ZNF236: variants seen among roughly 807,000 people sequenced by gnomAD.
ZNF236 encodes the protein regulated by glucose.
ZNF236 carries 50 observed loss-of-function variants against 191.2 expected under a neutral mutation model. The observed-to-expected ratio is 0.26, with a 90% CI of 0.21 to 0.33. The LOEUF is 0.33. Ranked by LOEUF, ZNF236 falls within the 10% of genes least tolerant of loss-of-function variation. The pLI, the probability that ZNF236 is intolerant of heterozygous loss-of-function variation, is 1.00. For synonymous variants in ZNF236, 907 were observed against 928.8 expected, an observed-to-expected ratio of 0.98 and a Z score of 0.43; for missense variants, 1,754 against 2,374.5, an observed-to-expected ratio of 0.74 and a Z score of 5.43.
rs1479728416 is a variant in ZNF236, at chr18:76,972,625, G to T, written c.*4286G>T. Among the ~76,000 whole-genome samples the T allele has an allele frequency of 6.6e-6, 1 of 152,206 alleles. No homozygotes were observed. Among genetic ancestry groups the T allele is most frequent in the Admixed American group, 6.5e-5 (1 of 15,282 alleles). Reference sequence around the variant, plus strand: ...AATCTTTTATGTGTAACACTTTACAGCATGAAGACGTATTCTATCAATATT... The same window carrying T: ...AATCTTTTATGTGTAACACTTTACATCATGAAGACGTATTCTATCAATATT... On this transcript the variant is annotated 3_prime_UTR_variant, in exon 31 of 31. Transcript: ENST00000320610.
rs1175592449 is a variant in ZNF236, at chr18:76,881,488, A to G, written c.1393A>G (p.Lys465Glu). Residue 465 changes from lysine to glutamate, a missense_variant, in exon 9 of 31, where the codon AAG (lysine) becomes GAG (glutamate). Lys to Glu is a moderately conservative substitution (Grantham distance 56, BLOSUM62 1). Around this residue, in one of 5 missense-constraint regions of ZNF236, gnomAD observed 126 missense variants for 110.9 expected, o/e 1.14. Transcript: ENST00000320610. ...KLDKKEKKMI[K>E]KKSPFLPGSI... ...GGATAAAAAAGAAAAAAAAATGATA[A>G]AGAAGAAGTCACCGTTTCTACCTGG... 15 of 1,612,248 alleles carry G rather than the reference A, an allele frequency of 9.3e-6. No homozygotes were observed. The highest frequency in any genetic ancestry group is 1.3e-5 in the Non-Finnish European group (15 of 1,179,546).
chr18:76,875,364 A>G lies in ZNF236; in HGVS notation c.668-128A>G, dbSNP rs1394509019. ...TTAAAGTAGACACTTGTATATATGC[A>G]TCTAGAGTTCTGGGGAGACATTTTG... On this transcript the variant is annotated intron_variant, in intron 5 of 30. Coordinates refer to ENST00000320610, the MANE Select transcript of ZNF236 (RefSeq NM_001306089.2). This position sits in a 1 kb window ranked among gnomAD's most constrained non-coding sequence, Gnocchi z 4.3. 2 of 820,936 alleles carry G rather than the reference A, an allele frequency of 2.4e-6. No homozygotes were observed. Among genetic ancestry groups the G allele is most frequent in the East Asian group, 3.1e-5 (1 of 32,658 alleles). 50.9% of individuals were successfully genotyped at this position (820,936 alleles called of 1,614,324 possible).
At position 76,875,370 on chromosome 18, in the gene ZNF236, A is replaced by AT. The variant is rs1381961790; in HGVS notation, c.668-122_668-121insT. On this transcript the variant is annotated intron_variant, in intron 5 of 30. Transcript: ENST00000320610. This position sits in a 1 kb window ranked among gnomAD's most constrained non-coding sequence, Gnocchi z 4.3. ...TAGACACTTGTATATATGCATCTAG[A>AT]GTTCTGGGGAGACATTTTGGCTGGA... 1 of 888,892 alleles carries AT rather than the reference A, an allele frequency of 1.1e-6. No individual in the cohort carries two copies. Among genetic ancestry groups the AT allele is most frequent in the Non-Finnish European group, 1.6e-6 (1 of 634,584 alleles). The allele number at this position is 888,892 out of a possible 1,614,324, so 55.1% of individuals were successfully genotyped here. A position where few individuals can be genotyped will look rare whatever the true frequency, so the allele number is the denominator to read the frequency against.
intron 26 of ZNF236, among the ~76,000 whole-genome samples, chr18:76,938,288 G>T (rs1164661902): frequency 6.6e-6 from 1 of 152,158 alleles, no homozygotes; most frequent in Admixed American, 6.5e-5. Flanking sequence ...TACTCCGGGG[G>T]CTGAGGTGGG....
At chr18:76,866,946 C>T (rs1043825436) in intron 3 of ZNF236, among the ~76,000 whole-genome samples, 1 of 152,264 alleles carries the variant, frequency 6.6e-6, no homozygotes, top group African/African-American at 2.4e-5. Context: ...GGATCCTGCT[C>T]GCACCATCTG....
intron 5 of ZNF236, among the ~76,000 whole-genome samples, chr18:76,874,265 A>C (rs1257459061): frequency 6.6e-6 from 1 of 152,176 alleles, no homozygotes; most frequent in Non-Finnish European, 1.5e-5. Context: ...TCATTCACTT[A>C]TTTAACCCTA....
At chr18:76,966,794 C>A (rs1476000450) in intron 30 of ZNF236, among the ~76,000 whole-genome samples, 1 of 152,182 alleles carries the variant, frequency 6.6e-6, no homozygotes, top group African/African-American at 2.4e-5. Context: ...ACCTTTGTTT[C>A]CTACACAGAA....
At chr18:76,861,036 C>T (rs189281003) in intron 3 of ZNF236, among the ~76,000 whole-genome samples, 3 of 152,274 alleles carry the variant, frequency 2.0e-5, no homozygotes, top group Admixed American at 6.5e-5. Context: ...GGAAGTTGGG[C>T]TGTCACATTC....
chr18:76,823,692 C>T (rs78139920), intron 1 of ZNF236, among the ~76,000 whole-genome samples: 2,480 of 152,374 alleles, frequency 0.016, 67 homozygotes, highest in African/African-American at 0.056. Flanking sequence ...CACCCCCAGA[C>T]CCTGGCCCTT....
intron 1 of ZNF236, among the ~76,000 whole-genome samples, chr18:76,836,636 G>A (rs1183017955): frequency 1.3e-5 from 2 of 151,854 alleles, no homozygotes; most frequent in Non-Finnish European, 2.9e-5. Flanking sequence ...AGAGTGCAGT[G>A]GTGCGATCTC....
chr18:76,933,500 G>C (rs1375663032), intron 25 of ZNF236, among the ~76,000 whole-genome samples: 2 of 150,316 alleles, frequency 1.3e-5, no homozygotes, highest in Non-Finnish European at 3.0e-5. Flanking sequence ...GAGAAAATCA[G>C]TCTCTCTCTC....
At chr18:76,838,674 AG>A (rs1236441579) in intron 1 of ZNF236, among the ~76,000 whole-genome samples, 2 of 152,226 alleles carry the variant, frequency 1.3e-5, no homozygotes, top group Non-Finnish European at 2.9e-5. Context: ...CCCAATCTAG[AG>A]GAAAAGACAG....
intron 26 of ZNF236, among the ~76,000 whole-genome samples, chr18:76,939,146 A>G (rs544398805): frequency 6.6e-6 from 1 of 152,286 alleles, no homozygotes; most frequent in African/African-American, 2.4e-5. Flanking sequence ...CGGCCTGGCC[A>G]ACATGGGGAA....
chr18:76,887,510 T>A (rs1004608111), intron 9 of ZNF236: 1 of 152,262 alleles, frequency 6.6e-6, no homozygotes, highest in East Asian at 1.9e-4. Context: ...TCTATAAACC[T>A]ATCATTGGTT....
intron 10 of ZNF236, 167 bp downstream of exon 10, chr18:76,895,452 G>A: frequency 1.0e-6 from 1 of 997,420 alleles, no homozygotes; most frequent in Non-Finnish European, 1.4e-6. Context: ...CTGCACGTAA[G>A]TGTGGCCCGC....
rs1421411625 is a variant in ZNF236, at chr18:76,875,381, G to A, written c.668-111G>A. The A allele has an allele frequency of 1.9e-6, 2 of 1,044,924 alleles. No individual in the cohort carries two copies. Among genetic ancestry groups the A allele is most frequent in the Middle Eastern group, 2.5e-4 (1 of 3,926 alleles). The allele number at this position is 1,044,924 out of a possible 1,614,324, so 64.7% of individuals were successfully genotyped here. On this transcript the variant is annotated intron_variant, in intron 5 of 30. Transcript: ENST00000320610. The surrounding 1 kb of genome is among the most constrained non-coding windows in gnomAD (Gnocchi z 4.3). ...ATATATGCATCTAGAGTTCTGGGGA[G>A]ACATTTTGGCTGGAGGGATAGGTTT...
intron 26 of ZNF236, 152 bp downstream of exon 26, chr18:76,937,495 T>A: frequency 1.4e-6 from 1 of 701,604 alleles, no homozygotes; most frequent in Non-Finnish European, 2.2e-6. Context: ...ACGGTAAATA[T>A]AAAAGGGGAT....
At chr18:76,867,163 A>T (rs2658747) in intron 3 of ZNF236, among the ~76,000 whole-genome samples, 1 of 151,270 alleles carries the variant, frequency 6.6e-6, no homozygotes, top group African/African-American at 2.4e-5. Context: ...GACAGGAGGC[A>T]TAGTGGGGAA....
intron 27 of ZNF236, among the ~76,000 whole-genome samples, chr18:76,949,866 C>T (rs1024124574): frequency 5.9e-5 from 9 of 152,060 alleles, no homozygotes; most frequent in African/African-American, 1.9e-4. Context: ...GCCATGTTGC[C>T]AGGCTGGTCT....
Sources: allele counts gnomAD v4.1 joint callset (sites outside exome capture counted in the v4.1 genomes callset), GRCh38; gene constraint gnomAD v4.1.1; regional missense constraint gnomAD v4.1.1; non-coding constraint Gnocchi (gnomAD v3.1); transcripts MANE v1.5; gene names NCBI Gene and HGNC (gene_info 2026-07-23, HGNC 2026-07-21).